SNX4: variants seen among roughly 807,000 people sequenced by gnomAD.
SNX4 encodes the protein sorting nexin 4.
In SNX4, 49 loss-of-function variants were observed where a neutral mutation model predicts 70.8. That is an observed-to-expected ratio of 0.69 (90% confidence interval 0.55 to 0.88). The LOEUF (loss-of-function observed/expected upper bound fraction) is 0.88, where lower values mean the gene tolerates loss of function less well. Ranked by LOEUF, SNX4 falls within the 40% of genes least tolerant of loss-of-function variation. The pLI, the probability that SNX4 is intolerant of heterozygous loss-of-function variation, is 0.00. For synonymous variants in SNX4, 206 were observed against 183.8 expected (o/e 1.12, Z -0.98); for missense variants, 528 against 544.8 (o/e 0.97, Z 0.31).
intron 11 of SNX4, among the ~76,000 whole-genome samples, chr3:125,456,521 C>A (rs1172352161): frequency 6.6e-6 from 1 of 152,080 alleles, no homozygotes; most frequent in Non-Finnish European, 1.5e-5. Flanking sequence ...GGGGCACATG[C>A]CTGTGGTCCC....
chr3:125,476,823 C>CA (rs1934299532), intron 7 of SNX4, 67 bp from the exon 8 acceptor site: 2 of 798,114 alleles, frequency 2.5e-6, no homozygotes, highest in East Asian at 2.6e-5. Context: ...AAAATAGACC[C>CA]AAAAAACAAA....
intron 6 of SNX4, among the ~76,000 whole-genome samples, chr3:125,488,021 C>G (rs1934569295): frequency 6.6e-6 from 1 of 151,906 alleles, no homozygotes; most frequent in South Asian, 2.1e-4. Flanking sequence ...AAACACAGCT[C>G]TCTGGTGTGG....
intron 2 of SNX4, among the ~76,000 whole-genome samples, chr3:125,501,702 A>G (rs1394089552): frequency 1.3e-5 from 2 of 151,942 alleles, no homozygotes; most frequent in East Asian, 1.9e-4. Flanking sequence ...CCTGGGCCCT[A>G]CCCCAAATCC....
At chr3:125,491,040 T>C (rs535761374) in intron 5 of SNX4, among the ~76,000 whole-genome samples, 1 of 152,196 alleles carries the variant, frequency 6.6e-6, no homozygotes, top group South Asian at 2.1e-4. Flanking sequence ...ATATAACAAA[T>C]ATACTACTCA....
rs983902366 is a variant in SNX4 at position 125,446,741 on chromosome 3, A to C, written c.*1038T>G. The C allele has an allele frequency of 6.6e-6, 1 of 152,654 alleles. No homozygotes were observed. Among genetic ancestry groups the C allele is most frequent in the Non-Finnish European group, 1.5e-5 (1 of 68,046 alleles). The allele number at this position is 152,654 out of a possible 1,614,324, so 9.5% of individuals were successfully genotyped here. The stretch of plus-strand genomic sequence containing the variant: ...AAAACATATAAAAAAGTCAAATGCT[A>C]AACAGGACTAGGGATTTTTTTTTAC... On this transcript the variant is annotated 3_prime_UTR_variant, in exon 14 of 14. Coordinates refer to ENST00000251775, the MANE Select transcript of SNX4 (RefSeq NM_003794.4).
intron 4 of SNX4, 142 bp downstream of exon 4, chr3:125,497,692 T>C (rs1934827145): frequency 4.9e-6 from 3 of 611,712 alleles, no homozygotes; most frequent in Non-Finnish European, 5.4e-6. Context: ...AAGAATGACA[T>C]AATCCATTAA....
chr3:125,474,481 T>C (rs1296113819), intron 8 of SNX4, among the ~76,000 whole-genome samples: 1 of 152,032 alleles, frequency 6.6e-6, no homozygotes, highest in Non-Finnish European at 1.5e-5. Flanking sequence ...CCATGCCTAA[T>C]TTTTAAACTA....
intron 9 of SNX4, among the ~76,000 whole-genome samples, chr3:125,466,602 AT>A (rs1448495804): frequency 2.0e-5 from 3 of 152,294 alleles, no homozygotes; most frequent in African/African-American, 7.2e-5. Flanking sequence ...ACTTAAACAA[AT>A]TAACAGGCAA....
intron 9 of SNX4, among the ~76,000 whole-genome samples, chr3:125,467,862 A>G (rs1934073520): frequency 6.6e-6 from 1 of 152,252 alleles, no homozygotes; most frequent in South Asian, 2.1e-4. Flanking sequence ...TAGAAGTACC[A>G]TTCAACCCAG....
chr3:125,497,734 ATAAAT>A, intron 4 of SNX4, 95 bp downstream of exon 4: 1 of 808,082 alleles, frequency 1.2e-6, no homozygotes, highest in Non-Finnish European at 1.9e-6. Context: ...TAAATTGCAT[ATAAAT>A]TAATGAAAAG....
At chr3:125,505,312 C>T (rs1321412662) in intron 1 of SNX4, among the ~76,000 whole-genome samples, 2 of 152,190 alleles carry the variant, frequency 1.3e-5, no homozygotes, top group East Asian at 1.9e-4. Context: ...CTTAAAAACA[C>T]ATTAGACACA....
At chr3:125,457,414 A>C in intron 10 of SNX4, 49 bp from the exon 11 acceptor site, 1 of 1,412,814 alleles carries the variant, frequency 7.1e-7, no homozygotes, top group Non-Finnish European at 1.0e-6. Context: ...TTAACATGTC[A>C]AACATTTTTT....
At chr3:125,512,772 CTTTT>C (rs35641181) in intron 1 of SNX4, among the ~76,000 whole-genome samples, 1 of 142,630 alleles carries the variant, frequency 7.0e-6, no homozygotes, top group Non-Finnish European at 1.5e-5. Context: ...GATACAACAA[CTTTT>C]TTTTTTTTTT....
chr3:125,516,592 G>A (rs1420717717), intron 1 of SNX4, among the ~76,000 whole-genome samples: 1 of 152,188 alleles, frequency 6.6e-6, no homozygotes, highest in Non-Finnish European at 1.5e-5. Flanking sequence ...TGTAATCCCA[G>A]CACTTTGGGA....
chr3:125,506,912 C>A, intron 1 of SNX4, among the ~76,000 whole-genome samples: 1 of 125,040 alleles, frequency 8.0e-6, no homozygotes. Flanking sequence ...AAAAAGAAGC[C>A]AAAAAGTGGC....
chr3:125,452,425 G>A (rs1164063670), intron 12 of SNX4, among the ~76,000 whole-genome samples: 1 of 151,958 alleles, frequency 6.6e-6, no homozygotes, highest in Non-Finnish European at 1.5e-5. Flanking sequence ...CACAACCAAA[G>A]TTTAAAAACT....
chr3:125,484,624 C>G (rs1490206799), intron 6 of SNX4, among the ~76,000 whole-genome samples: 1 of 152,160 alleles, frequency 6.6e-6, no homozygotes, highest in Non-Finnish European at 1.5e-5. Flanking sequence ...AATCAGATGT[C>G]ATCCATTTCT....
chr3:125,478,296 C>G (rs577695244), intron 7 of SNX4, among the ~76,000 whole-genome samples: 2 of 152,056 alleles, frequency 1.3e-5, no homozygotes, highest in African/African-American at 4.8e-5. Flanking sequence ...TCTCAAACTC[C>G]TGACCTCAAA....
chr3:125,497,506 A>C, intron 4 of SNX4, 118 bp from the exon 5 acceptor site: 1 of 731,966 alleles, frequency 1.4e-6, no homozygotes, highest in Admixed American at 2.6e-5. Flanking sequence ...AGAAGTTTAA[A>C]AAAATTTCTT....
Sources: allele counts gnomAD v4.1 joint callset (sites outside exome capture counted in the v4.1 genomes callset), GRCh38; gene constraint gnomAD v4.1.1; transcripts MANE v1.5; gene names NCBI Gene and HGNC (gene_info 2026-07-23, HGNC 2026-07-21).